RIMS1: variants seen among roughly 807,000 people sequenced by gnomAD.
RIMS1 encodes regulating synaptic membrane exocytosis protein 1.
A neutral mutation model predicts 214.1 loss-of-function variants in RIMS1; 83 were observed. That is an observed-to-expected ratio of 0.39 (90% CI 0.32 to 0.47). The LOEUF (loss-of-function observed/expected upper bound fraction) is 0.47, where lower values mean the gene tolerates loss of function less well. Among genes scored for constraint, RIMS1 ranks in the 20% least tolerant of loss-of-function variants. The probability of loss-of-function intolerance (pLI) is 0.99; values close to 1 mark genes in which losing one functional copy is unlikely to be tolerated. For missense variants in RIMS1, 2,050 were observed against 2,161.8 expected (o/e 0.95, Z 1.03); for synonymous variants, 793 against 786.8 (o/e 1.01, Z -0.13).
At chr6:71,894,447 A>G (rs950123990) in intron 1 of RIMS1, among the ~76,000 whole-genome samples, 3 of 104,376 alleles carry the variant, frequency 2.9e-5, no homozygotes, top group Non-Finnish European at 6.5e-5. Flanking sequence ...CTCTGTCTGA[A>G]AAAAAAAAGG....
intron 22 of RIMS1, among the ~76,000 whole-genome samples, chr6:72,270,065 T>C (rs986108446): frequency 1.3e-5 from 2 of 152,196 alleles, no homozygotes; most frequent in Non-Finnish European, 2.9e-5. Context: ...TTTAGTACTG[T>C]AGTATGTTTG....
intron 22 of RIMS1, among the ~76,000 whole-genome samples, chr6:72,273,402 CT>C (rs1057495171): frequency 7.5e-4 from 114 of 151,962 alleles, no homozygotes; most frequent in Admixed American, 7.0e-3. Flanking sequence ...GAAAAATATC[CT>C]GTTAGAATTT....
At chr6:72,356,293 C>T (rs1163823105) in intron 29 of RIMS1, among the ~76,000 whole-genome samples, 1 of 151,384 alleles carries the variant, frequency 6.6e-6, no homozygotes, top group South Asian at 2.1e-4. Context: ...AAATGTACTG[C>T]CAAGGTAAGT....
Position 72,183,094 on chromosome 6 carries a change from C to G in RIMS1, c.1623C>G (p.Pro541=), listed in dbSNP as rs781661385. ...CTGAGGAGGAGGGCGTGTCGACGCC[C>G]GAGTACACCAGCTGCGAGGACGTGG... The part of the protein sequence containing the change: ...SSSEEEGVST[P]EYTSCEDVEL... The change falls in exon 6 of 34, where the codon CCC becomes CCG. Residue 541 remains proline (P), a synonymous_variant. Coordinates refer to ENST00000521978, the MANE Select transcript of RIMS1 (RefSeq NM_014989.7). 2.6e-5 allele frequency: 41 copies of G among 1,591,928 alleles called. No individual in the cohort carries two copies. The highest frequency in any genetic ancestry group is 8.5e-7 in the Non-Finnish European group (1 of 1,170,390).
chr6:72,389,381 A>T (rs747172698), intron 29 of RIMS1, among the ~76,000 whole-genome samples: 1 of 152,230 alleles, frequency 6.6e-6, no homozygotes, highest in Non-Finnish European at 1.5e-5. Flanking sequence ...AAGGTTAAGA[A>T]CAATAAAAAA....
At chr6:72,225,188 C>G (rs983217438) in intron 6 of RIMS1, among the ~76,000 whole-genome samples, 5 of 151,836 alleles carry the variant, frequency 3.3e-5, no homozygotes, top group African/African-American at 4.8e-5. Flanking sequence ...GGTGTCAAAA[C>G]TTGTTTATAT....
At chr6:72,112,038 C>T (rs1342437272) in intron 4 of RIMS1, among the ~76,000 whole-genome samples, 2 of 152,108 alleles carry the variant, frequency 1.3e-5, no homozygotes, top group African/African-American at 4.8e-5. Flanking sequence ...ATGTGTAAAA[C>T]CCAATCCCTG....
At chr6:72,262,127 T>A in intron 19 of RIMS1, 1 of 984,596 alleles carries the variant, frequency 1.0e-6, no homozygotes, top group Non-Finnish European at 1.2e-6. Context: ...ACTCAGTGTG[T>A]GAATATTTCT....
intron 11 of RIMS1, among the ~76,000 whole-genome samples, chr6:72,247,342 C>T (rs571279301): frequency 1.7e-4 from 26 of 152,082 alleles, no homozygotes; most frequent in African/African-American, 5.8e-4. Flanking sequence ...AGTTCGAGAC[C>T]AGCCTCAACA....
chr6:72,173,817 T>C (rs1354774728), intron 4 of RIMS1, among the ~76,000 whole-genome samples: 2 of 152,086 alleles, frequency 1.3e-5, no homozygotes, highest in Non-Finnish European at 2.9e-5. Flanking sequence ...GGGGTGTGTG[T>C]TTGTGTGTGC....
intron 2 of RIMS1, among the ~76,000 whole-genome samples, chr6:72,082,567 T>G (rs943281462): frequency 2.0e-5 from 3 of 152,188 alleles, no homozygotes; most frequent in Non-Finnish European, 4.4e-5. Context: ...GGCTCTGCTC[T>G]TTTCTCAAGT....
rs1770754632 is a variant in RIMS1, at chr6:71,893,859, A to G, written c.164+6672A>G. Among the ~76,000 whole-genome samples, 3 of 152,208 alleles carry G rather than the reference A, an allele frequency of 2.0e-5. No individual in the cohort carries two copies. In the South Asian group the frequency reaches 6.2e-4, roughly 31 times the overall value. ...TTAAAGGCAAAATAGAGCTGTTTAA[A>G]AGGAAGGTGACTGTACATGTTGATT... On this transcript the variant is annotated intron_variant, in intron 1 of 33. Transcript: ENST00000521978.
chr6:72,274,969 T>C (rs2085417240), intron 23 of RIMS1, among the ~76,000 whole-genome samples: 1 of 151,444 alleles, frequency 6.6e-6, no homozygotes, highest in African/African-American at 2.4e-5. Flanking sequence ...TGTCCAGGGC[T>C]AAGGGGTCAG....
chr6:72,340,094 T>C (rs1331858569), intron 29 of RIMS1, among the ~76,000 whole-genome samples: 1 of 152,172 alleles, frequency 6.6e-6, no homozygotes, highest in African/African-American at 2.4e-5. Context: ...TTTTGAGAAG[T>C]GTCTGTTCAT....
intron 19 of RIMS1, 150 bp downstream of exon 19, chr6:72,260,917 A>T: frequency 6.7e-7 from 1 of 1,492,856 alleles, no homozygotes; most frequent in Non-Finnish European, 9.0e-7. Flanking sequence ...TATTGAGGTT[A>T]TGGAAAAGGT....
At chr6:72,127,458 G>C (rs1352056022) in intron 4 of RIMS1, among the ~76,000 whole-genome samples, 1 of 152,058 alleles carries the variant, frequency 6.6e-6, no homozygotes, top group Middle Eastern at 3.2e-3. Flanking sequence ...ATTATGTCTT[G>C]AGAATTTATT....
intron 2 of RIMS1, among the ~76,000 whole-genome samples, chr6:72,072,853 A>G (rs1011420468): frequency 2.0e-5 from 3 of 152,192 alleles, no homozygotes; most frequent in African/African-American, 7.2e-5. Flanking sequence ...CATTTCATTC[A>G]ACAAATATTT....
intron 30 of RIMS1, 35 bp from the exon 31 acceptor site, chr6:72,392,663 G>GT (rs1254793588): frequency 4.2e-6 from 6 of 1,435,294 alleles, no homozygotes; most frequent in East Asian, 2.3e-5. Context: ...GATTTCATGG[G>GT]TTTTTTCCTT....
chr6:72,128,873 G>T (rs1852703), intron 4 of RIMS1, among the ~76,000 whole-genome samples: 4 of 152,020 alleles, frequency 2.6e-5, no homozygotes, highest in Non-Finnish European at 2.9e-5. Flanking sequence ...CTTTACTACC[G>T]TATACATCAT....
Sources: allele counts gnomAD v4.1 joint callset (sites outside exome capture counted in the v4.1 genomes callset), GRCh38; gene constraint gnomAD v4.1.1; transcripts MANE v1.5; gene names NCBI Gene and HGNC (gene_info 2026-07-23, HGNC 2026-07-21).